The following GUCY2D variants were observed in gnomAD, a reference collection of about 807,000 sequenced individuals.
The protein encoded by GUCY2D is retinal guanylyl cyclase 1.
GUCY2D carries 70 observed loss-of-function variants against 101.3 expected under a neutral mutation model. The ratio of observed to expected loss-of-function variants is 0.69; its 90% CI spans 0.57 to 0.84. The LOEUF (loss-of-function observed/expected upper bound fraction) is 0.84. Among genes scored for constraint, GUCY2D ranks in the 40% least tolerant of loss-of-function variants. GUCY2D has a pLI of 0.00. For missense variants in GUCY2D, 1,460 were observed against 1,542.5 expected, an observed-to-expected ratio of 0.95 and a Z score of 0.90; for synonymous variants, 688 against 670.7, an observed-to-expected ratio of 1.03 and a Z score of -0.40.
chr17:8,006,405 C>T lies in GUCY2D; in HGVS notation c.1069C>T (p.Leu357=). ...CACCATCTATGACGCGGTCTTCTTG[C>T]TGGCAAGGGGCGTGGCAGAAGCGCG... ...FGTIYDAVFL[L]ARGVAEARAA... is the part of the protein sequence containing the mutation. Residue 357 remains leucine (L), a synonymous_variant, in exon 4 of 20, where the codon CTG becomes TTG. Transcript: ENST00000254854. The T allele has an allele frequency of 6.2e-7, 1 of 1,601,972 alleles. No homozygotes were observed. The highest frequency in any genetic ancestry group is 8.5e-7 in the Non-Finnish European group (1 of 1,179,964).
chr17:8,003,116 T>A lies in GUCY2D; in HGVS notation c.69T>A (p.Ala23=), dbSNP rs937378694. The A allele has an allele frequency of 7.2e-6, 11 of 1,519,294 alleles. No individual in the cohort carries two copies. The African/African-American group carries it at 1.6e-4, about 22-fold the overall frequency. The allele number at this position is 1,519,294 out of a possible 1,614,324, so 94.1% of individuals were successfully genotyped here. A position where few individuals can be genotyped will look rare whatever the true frequency, so the allele number is the denominator to read the frequency against. ...GGCTCTGCGGTCCCGCGTGGTGGGC[T>A]CCGTCCCTGCCCCGCCTCCCCCGGG... ...DPGLCGPAWW[A]PSLPRLPRAL... Residue 23 remains alanine, a synonymous_variant, in exon 2 of 20, where the codon GCT becomes GCA. Transcript: ENST00000254854.
Position 8,004,052 on chromosome 17 carries a change from G to C in GUCY2D, c.922G>C (p.Val308Leu). ...CCAGCTTCGCAGGGCCCACGATGCCGTGCTCACCCTCACGCGCCACTGTCC... is the reference window on the plus strand; with the variant it reads ...CCAGCTTCGCAGGGCCCACGATGCCCTGCTCACCCTCACGCGCCACTGTCC... Reference protein sequence around the residue: ...SSQLRRAHDAVLTLTRHCPSE... With the variant: ...SSQLRRAHDALLTLTRHCPSE... The change falls in exon 3 of 20, where the codon GTG becomes CTG. Residue 308 changes from valine to leucine, a missense_variant. This residue lies in a region of GUCY2D where 1,196 missense variants were observed against 1,229.6 expected (regional missense o/e 0.97). Transcript: ENST00000254854. 6.2e-7 allele frequency: 1 copy of C among 1,609,504 alleles called. No individual in the cohort carries two copies. The highest frequency in any genetic ancestry group is 8.5e-7 in the Non-Finnish European group (1 of 1,179,912).
chr17:8,004,731 T>TC, intron 3 of GUCY2D, among the ~76,000 whole-genome samples: 2 of 152,208 alleles, frequency 1.3e-5, no homozygotes, highest in Middle Eastern at 6.8e-3. Flanking sequence ...CTAACTTTAC[T>TC]CCCGCCACAA....
chr17:8,002,946 G>A lies in GUCY2D; in HGVS notation c.-9-93G>A. On this transcript the variant is annotated intron_variant, in intron 1 of 19. Coordinates refer to ENST00000254854, the MANE Select transcript of GUCY2D (RefSeq NM_000180.4). This position sits in a 1 kb window ranked among gnomAD's most constrained non-coding sequence, Gnocchi z 4.9. ...CGGTAGCAGCAGAATCATCCCATGG[G>A]TTACTCGGGCTTGGAGAAACTCGGG... The A allele has an allele frequency of 2.1e-6, 2 of 965,388 alleles. No homozygotes were observed. The highest frequency in any genetic ancestry group is 4.9e-5 in the Admixed American group (2 of 41,008). 59.8% of individuals were successfully genotyped at this position (965,388 alleles called of 1,614,324 possible). A position where few individuals can be genotyped will look rare whatever the true frequency, so the allele number is the denominator to read the frequency against.
Position 8,013,836 on chromosome 17 carries a change from G to C in GUCY2D, c.2264-44G>C. 2 of 1,588,298 alleles carry C rather than the reference G, an allele frequency of 1.3e-6. No homozygotes were observed. The highest frequency in any genetic ancestry group is 3.3e-5 in the Admixed American group (2 of 59,940). ...CAGGCCAGGGTCAGAGGCAGCCTTT[G>C]TGTTCTGGGGGCACTCCCCCTCACT... is the stretch of plus-strand genomic sequence containing the variant. On this transcript the variant is annotated intron_variant, in intron 11 of 19. Transcript: ENST00000254854. The surrounding 1 kb of genome is among the most constrained non-coding windows in gnomAD (Gnocchi z 5.0).
At position 8,002,949 on chromosome 17, in the gene GUCY2D, A is replaced by AT; in HGVS notation, c.-9-90_-9-89insT. Reference sequence around the variant, plus strand: ...TAGCAGCAGAATCATCCCATGGGTTACTCGGGCTTGGAGAAACTCGGGGTT... The same window carrying AT: ...TAGCAGCAGAATCATCCCATGGGTTATCTCGGGCTTGGAGAAACTCGGGGTT... On this transcript the variant is annotated intron_variant, in intron 1 of 19. Coordinates refer to ENST00000254854, the MANE Select transcript of GUCY2D (RefSeq NM_000180.4). The surrounding 1 kb of genome is among the most constrained non-coding windows in gnomAD (Gnocchi z 4.9). 1 of 980,830 alleles carries AT rather than the reference A, an allele frequency of 1.0e-6. No homozygotes were observed. 60.8% of individuals were successfully genotyped at this position (980,830 alleles called of 1,614,324 possible). A position where few individuals can be genotyped will look rare whatever the true frequency, so the allele number is the denominator to read the frequency against.
Position 8,015,366 on chromosome 17 carries a change from G to C in GUCY2D, c.2808G>C (p.Gly936=). The C allele has an allele frequency of 6.2e-7, 1 of 1,611,422 alleles. No individual in the cohort carries two copies. The highest frequency in any genetic ancestry group is 8.5e-7 in the Non-Finnish European group (1 of 1,179,998). Residue 936 remains glycine (G), a synonymous_variant, in exon 15 of 20, where the codon GGG becomes GGC. Transcript: ENST00000254854. The part of the protein sequence containing the change: ...TIGDAYMVAS[G]LPQRNGQRHA... ...GGGACGCCTATATGGTGGCCTCGGGGCTGCCCCAGCGGAATGGGCAGCGAC... is the reference window on the plus strand; with the variant it reads ...GGGACGCCTATATGGTGGCCTCGGGCCTGCCCCAGCGGAATGGGCAGCGAC...
intron 3 of GUCY2D, among the ~76,000 whole-genome samples, chr17:8,005,110 C>T (rs1196307798): frequency 6.6e-6 from 1 of 152,158 alleles, no homozygotes; most frequent in East Asian, 1.9e-4. Context: ...GCGTGTGAGT[C>T]ACCCTTGATT....
intron 7 of GUCY2D, 114 bp downstream of exon 7, chr17:8,008,146 C>T (rs911341091): frequency 4.1e-6 from 3 of 735,454 alleles, no homozygotes; most frequent in Non-Finnish European, 4.9e-6. Context: ...CCTGCAGGCT[C>T]CAGGAGATGG....
chr17:8,015,392 A>G lies in GUCY2D; in HGVS notation c.2834A>G (p.His945Arg). 1 of 1,613,368 alleles carries G rather than the reference A, an allele frequency of 6.2e-7. No individual in the cohort carries two copies. Among genetic ancestry groups the G allele is most frequent in the African/African-American group, 1.3e-5 (1 of 75,068 alleles). The part of the protein sequence containing the change: ...SGLPQRNGQR[H>R]AAEIANMSLD... ...CTGCCCCAGCGGAATGGGCAGCGAC[A>G]CGCGGCAGAGATCGCCAACATGTCA... The change falls in exon 15 of 20, where the codon CAC becomes CGC. Residue 945 changes from histidine (H) to arginine (R), a missense_variant. Around this residue, in one of 3 missense-constraint regions of GUCY2D, gnomAD observed 49 missense variants for 85.0 expected, o/e 0.58. Coordinates refer to ENST00000254854, the MANE Select transcript of GUCY2D (RefSeq NM_000180.4).
At chr17:8,016,342 T>A (rs908221506) in intron 18 of GUCY2D, 52 bp downstream of exon 18, 2 of 1,448,212 alleles carry the variant, frequency 1.4e-6, no homozygotes, top group African/African-American at 2.8e-5. Flanking sequence ...CCCTGCCTCC[T>A]GCTCTGTGTC....
In GUCY2D at chr17:8,010,787, C is replaced by T. The variant is rs183308730; in HGVS notation, c.1749+1201C>T. Among the ~76,000 whole-genome samples the T allele has an allele frequency of 4.5e-3, 578 of 128,656 alleles. 5 individuals are homozygous for T. The highest frequency in any genetic ancestry group is 0.016 in the African/African-American group (539 of 32,866). 84.4% of individuals were successfully genotyped at this position (128,656 alleles called of 152,430 possible). On this transcript the variant is annotated intron_variant, in intron 8 of 19. Transcript: ENST00000254854. ...TCGCGGCACTGCACTTCAGCCTGGG[C>T]GACAGAGCAAGATTCCGTCTCAAAA...
intron 19 of GUCY2D, among the ~76,000 whole-genome samples, chr17:8,019,553 G>C (rs1976035174): frequency 6.6e-6 from 1 of 152,092 alleles, no homozygotes; most frequent in South Asian, 2.1e-4. Context: ...GAAGAACTTG[G>C]GGAACCCCCA....
In GUCY2D at chr17:8,015,367, C is replaced by T. The variant is rs1975945052; in HGVS notation, c.2809C>T (p.Leu937=). The T allele has an allele frequency of 6.2e-7, 1 of 1,611,572 alleles. No homozygotes were observed. The highest frequency in any genetic ancestry group is 8.5e-7 in the Non-Finnish European group (1 of 1,179,986). The part of the protein sequence containing the change: ...IGDAYMVASG[L]PQRNGQRHAA... Reference sequence around the variant, plus strand: ...GGACGCCTATATGGTGGCCTCGGGGCTGCCCCAGCGGAATGGGCAGCGACA... The same window carrying T: ...GGACGCCTATATGGTGGCCTCGGGGTTGCCCCAGCGGAATGGGCAGCGACA... The change falls in exon 15 of 20, where the codon CTG becomes TTG. Residue 937 remains leucine, a synonymous_variant. Coordinates refer to ENST00000254854, the MANE Select transcript of GUCY2D (RefSeq NM_000180.4).
In GUCY2D at chr17:8,016,448, G is replaced by A; in HGVS notation, c.3230G>A (p.Ser1077Asn). The A allele has an allele frequency of 6.4e-7, 1 of 1,565,946 alleles. No individual in the cohort carries two copies. Among genetic ancestry groups the A allele is most frequent in the Non-Finnish European group, 8.7e-7 (1 of 1,155,870 alleles). The stretch of plus-strand genomic sequence containing the variant: ...CCACCGCCCCCTCCTTGCAGGTCCA[G>A]CAACCACGGCATCAGCCTGCAGGAG... Reference protein sequence around the residue: ...PKPPDLQPGSSNHGISLQEIP... With the variant: ...PKPPDLQPGSNNHGISLQEIP... Residue 1077 changes from serine (S) to asparagine (N), a missense_variant, in exon 19 of 20, where the codon AGC (serine) becomes AAC (asparagine). Ser to Asn is a conservative substitution (Grantham distance 46). Transcript: ENST00000254854.
At chr17:8,012,408 A>T (rs760285694) in intron 9 of GUCY2D, 42 bp from the exon 10 acceptor site, 1 of 1,612,930 alleles carries the variant, frequency 6.2e-7, no homozygotes, top group South Asian at 1.1e-5. Flanking sequence ...GAGCAAGGGA[A>T]CCAAGCAGGC....
Position 8,012,534 on chromosome 17 carries a change from A to G in GUCY2D, c.2041A>G (p.Lys681Glu), listed in dbSNP as rs192306625. 4 of 1,614,010 alleles carry G rather than the reference A, an allele frequency of 2.5e-6. No individual in the cohort carries two copies. In the African/African-American group the frequency reaches 4.0e-5, roughly 16 times the overall value. Residue 681 changes from lysine to glutamate, a missense_variant, in exon 10 of 20, where the codon AAG (lysine) becomes GAG (glutamate). Around this residue, in one of 3 missense-constraint regions of GUCY2D, gnomAD observed 1,196 missense variants for 1,229.6 expected, o/e 0.97. Coordinates refer to ENST00000254854, the MANE Select transcript of GUCY2D (RefSeq NM_000180.4). ...CATAGTGGATGGCAGATTCGTACTC[A>G]AGATCACTGACCACGGCCACGGGAG... is the stretch of plus-strand genomic sequence containing the variant. ...NCIVDGRFVL[K>E]ITDHGHGRLL...
rs35616384 is a variant in GUCY2D, at chr17:8,013,207, G to A, written c.2218G>A (p.Val740Met). Residue 740 changes from valine (V) to methionine (M), a missense_variant, in exon 11 of 20, where the codon GTG becomes ATG. Physicochemically the swap from Val to Met is conservative, Grantham distance 21. This residue lies in a region of GUCY2D where 1,196 missense variants were observed against 1,229.6 expected (regional missense o/e 0.97). Transcript: ENST00000254854. This position sits in a 1 kb window ranked among gnomAD's most constrained non-coding sequence, Gnocchi z 5.0. ...CTTGGCCATCATCATGCAAGAAGTA[G>A]TGTGCCGCAGTGCCCCTTATGCCAT... ...FSLAIIMQEV[V>M]CRSAPYAMLE... The A allele has an allele frequency of 6.2e-7, 1 of 1,614,170 alleles. No individual in the cohort carries two copies. Among genetic ancestry groups the A allele is most frequent in the East Asian group, 2.2e-5 (1 of 44,876 alleles).
Position 8,012,150 on chromosome 17 carries a change from G to A in GUCY2D, c.1756G>A (p.Glu586Lys), listed in dbSNP as rs1392669245. Residue 586 changes from glutamate (E) to lysine (K), a missense_variant, in exon 9 of 20, where the codon GAG becomes AAG. Physicochemically the swap from Glu to Lys is moderately conservative, Grantham distance 56. Around this residue, in one of 3 missense-constraint regions of GUCY2D, gnomAD observed 1,196 missense variants for 1,229.6 expected, o/e 0.97. Transcript: ENST00000254854. ...TCAACTCTCCCCCTCTCAGCTCCAG[G>A]AGCTCCGGCATGAGAACGTGGCCCT... is the stretch of plus-strand genomic sequence containing the variant. Reference protein sequence around the residue: ...ATKTAFSKLQELRHENVALYL... With the variant: ...ATKTAFSKLQKLRHENVALYL... 3 of 1,612,910 alleles carry A rather than the reference G, an allele frequency of 1.9e-6. No individual in the cohort carries two copies. The highest frequency in any genetic ancestry group is 2.7e-5 in the African/African-American group (2 of 74,880).
Sources: gnomAD v4.1 joint callset for allele counts (sites outside exome capture counted in the v4.1 genomes callset) on GRCh38, gnomAD v4.1.1 for gene constraint, gnomAD v4.1.1 regional missense constraint, Gnocchi (gnomAD v3.1) non-coding constraint, MANE v1.5 for transcripts, NCBI Gene and HGNC (gene_info 2026-07-23, HGNC 2026-07-21) for gene names.